The following CDH11 variants were observed in gnomAD, a reference collection of about 807,000 sequenced individuals.
The protein encoded by CDH11 is cadherin-11.
In CDH11, 11 loss-of-function variants were observed where a neutral mutation model predicts 67.8. That is an observed-to-expected ratio of 0.16 (90% CI 0.10 to 0.27). The LOEUF is 0.27. Ranked by LOEUF, CDH11 falls within the 10% of genes least tolerant of loss-of-function variation. The pLI, the probability that CDH11 is intolerant of heterozygous loss-of-function variation, is 1.00. For synonymous variants in CDH11, 419 were observed against 400.0 expected, an observed-to-expected ratio of 1.05 and a Z score of -0.57; for missense variants, 847 against 1,031.2, an observed-to-expected ratio of 0.82 and a Z score of 2.45.
At chr16:64,962,547 C>A (rs1291418195) in intron 11 of CDH11, among the ~76,000 whole-genome samples, 4 of 152,008 alleles carry the variant, frequency 2.6e-5, no homozygotes, top group African/African-American at 9.7e-5. Flanking sequence ...CTAGGGGAAC[C>A]CAGTCACAGG....
At chr16:65,039,610 GA>G (rs1315445274) in intron 2 of CDH11, among the ~76,000 whole-genome samples, 1 of 152,082 alleles carries the variant, frequency 6.6e-6, no homozygotes, top group African/African-American at 2.4e-5. Flanking sequence ...AAAAACCCTA[GA>G]AGAAAACCTA....
At chr16:65,107,225 T>G (rs1444472865) in intron 1 of CDH11, among the ~76,000 whole-genome samples, 1 of 152,234 alleles carries the variant, frequency 6.6e-6, no homozygotes, top group Non-Finnish European at 1.5e-5. Flanking sequence ...ACTTATTAGC[T>G]GCATAATATT....
chr16:65,035,951 A>G lies in CDH11; in HGVS notation c.-173+17853T>C, dbSNP rs545244515. On this transcript the variant is annotated intron_variant, in intron 2 of 12. Transcript: ENST00000268603. ...GTGGACAGGTCCAAAGTCAGCCCCA[A>G]TTTGGCTTTCTGTCTGCTCAGGGCT... is the stretch of plus-strand genomic sequence containing the variant. Among the ~76,000 whole-genome samples, 5 of 152,208 alleles carry G rather than the reference A, an allele frequency of 3.3e-5. No individual in the cohort carries two copies. The East Asian group carries it at 7.8e-4, about 24-fold the overall frequency.
rs535344136 is a variant in CDH11, at chr16:65,045,637, T to C, written c.-173+8167A>G. Among the ~76,000 whole-genome samples the C allele has an allele frequency of 2.0e-5, 3 of 152,110 alleles. No homozygotes were observed. The East Asian group carries it at 5.8e-4, about 30-fold the overall frequency. On this transcript the variant is annotated intron_variant, in intron 2 of 12. Coordinates refer to ENST00000268603, the MANE Select transcript of CDH11 (RefSeq NM_001797.4). ...AGTCCCCCACTGCACAAAGGATAAT[T>C]TGGGTTAGTAGCCAGGAAAGGAAAT...
intron 6 of CDH11, among the ~76,000 whole-genome samples, chr16:64,991,173 C>A (rs752495641): frequency 2.0e-5 from 3 of 152,044 alleles, no homozygotes; most frequent in Non-Finnish European, 4.4e-5. Context: ...AACCAGCCCA[C>A]GCAGAAAGGA....
intron 2 of CDH11, among the ~76,000 whole-genome samples, chr16:65,031,406 G>T (rs1265348321): frequency 1.1e-4 from 16 of 152,166 alleles, no homozygotes; most frequent in African/African-American, 3.9e-4. Flanking sequence ...TTTGATGGGG[G>T]ACTTAGGGGG....
At chr16:64,977,874 C>A (rs2072219585) in intron 8 of CDH11, among the ~76,000 whole-genome samples, 1 of 152,170 alleles carries the variant, frequency 6.6e-6, no homozygotes, top group African/African-American at 2.4e-5. Context: ...TGAAAAGATG[C>A]TCAGTAAATG....
At chr16:64,955,170 C>T (rs1490560948) in intron 11 of CDH11, among the ~76,000 whole-genome samples, 6 of 151,804 alleles carry the variant, frequency 4.0e-5, no homozygotes, top group South Asian at 2.1e-4. Flanking sequence ...GGCATGAACC[C>T]GGGAGGCAGA....
intron 1 of CDH11, among the ~76,000 whole-genome samples, chr16:65,060,242 C>T (rs949159766): frequency 6.6e-6 from 1 of 152,000 alleles, no homozygotes; most frequent in Non-Finnish European, 1.5e-5. Context: ...AAAGACTCTT[C>T]CCCTCCCACT....
chr16:65,033,358 C>A (rs1379963930), intron 2 of CDH11, among the ~76,000 whole-genome samples: 1 of 152,020 alleles, frequency 6.6e-6, no homozygotes, highest in African/African-American at 2.4e-5. Flanking sequence ...TACTCATCTC[C>A]TGGTTATTCT....
At chr16:65,091,834 C>A (rs1428444749) in intron 1 of CDH11, among the ~76,000 whole-genome samples, 1 of 152,082 alleles carries the variant, frequency 6.6e-6, no homozygotes, top group Non-Finnish European at 1.5e-5. Flanking sequence ...TTCTTAAATA[C>A]CCTAGCCTCA....
intron 2 of CDH11, among the ~76,000 whole-genome samples, chr16:65,028,589 C>G (rs1597109546): frequency 6.6e-6 from 1 of 152,158 alleles, no homozygotes; most frequent in Non-Finnish European, 1.5e-5. Context: ...ATATCCCAGC[C>G]TGTCCTACGG....
chr16:65,062,552 T>C (rs1045461723), intron 1 of CDH11, among the ~76,000 whole-genome samples: 9 of 152,228 alleles, frequency 5.9e-5, no homozygotes, highest in African/African-American at 2.2e-4. Flanking sequence ...CAAAATCAGG[T>C]TTCTCAAAAT....
intron 1 of CDH11, among the ~76,000 whole-genome samples, chr16:65,080,995 T>G (rs753145095): frequency 6.6e-6 from 1 of 152,346 alleles, no homozygotes. Context: ...TTGTATTGTA[T>G]TTTATTGTAT....
In CDH11 at chr16:64,953,299, C is replaced by CATAT. The variant is rs35651574; in HGVS notation, c.1643-2285_1643-2282dup. On this transcript the variant is annotated intron_variant, in intron 11 of 12. Coordinates refer to ENST00000268603, the MANE Select transcript of CDH11 (RefSeq NM_001797.4). Reference sequence around the variant, plus strand: ...ATATATATGTATGTATATACACACACATATATATATATATGGCAGATTCAG... The same window carrying CATAT: ...ATATATATGTATGTATATACACACACATATATATATATATATATGGCAGATTCAG... Among the ~76,000 whole-genome samples the CATAT allele has an allele frequency of 5.1e-3, 764 of 149,392 alleles. 4 individuals are homozygous for CATAT. The highest frequency in any genetic ancestry group is 7.9e-3 in the Non-Finnish European group (529 of 67,260).
Position 64,992,825 on chromosome 16 carries a change from T to C in CDH11, c.643+90A>G, listed in dbSNP as rs1403567895. The C allele has an allele frequency of 3.1e-6, 4 of 1,273,964 alleles. No homozygotes were observed. The African/African-American group carries it at 5.9e-5, about 19-fold the overall frequency. The allele number at this position is 1,273,964 out of a possible 1,614,324, so 78.9% of individuals were successfully genotyped here. On this transcript the variant is annotated intron_variant, in intron 5 of 12. Coordinates refer to ENST00000268603, the MANE Select transcript of CDH11 (RefSeq NM_001797.4). ...AGCCCTCTGTATTCCTTTTTCATAT[T>C]TGAGAAAACAGAGTATTAAATAAGT...
chr16:65,073,430 G>C (rs1228116385), intron 1 of CDH11, among the ~76,000 whole-genome samples: 1 of 152,132 alleles, frequency 6.6e-6, no homozygotes, highest in African/African-American at 2.4e-5. Context: ...ACAGGTATGA[G>C]CCAACACATC....
intron 8 of CDH11, among the ~76,000 whole-genome samples, chr16:64,978,000 G>A (rs2142445218): frequency 6.6e-6 from 1 of 152,194 alleles, no homozygotes; most frequent in South Asian, 2.1e-4. Context: ...GATATAAATG[G>A]ACAAATTCCA....
At chr16:64,961,910 C>T (rs147693157) in intron 11 of CDH11, among the ~76,000 whole-genome samples, 1 of 152,042 alleles carries the variant, frequency 6.6e-6, no homozygotes, top group African/African-American at 2.4e-5. Context: ...CACACACCCC[C>T]CAAAACACAA....
Sources: allele counts gnomAD v4.1 joint callset (sites outside exome capture counted in the v4.1 genomes callset), GRCh38; gene constraint gnomAD v4.1.1; transcripts MANE v1.5; gene names NCBI Gene and HGNC (gene_info 2026-07-23, HGNC 2026-07-21).